Variants in AMN observed in about 807,000 individuals in gnomAD.
The protein encoded by AMN is protein amnionless.
A neutral mutation model predicts 49.1 loss-of-function variants in AMN; 40 were observed. The ratio of observed to expected loss-of-function variants is 0.81; its 90% CI spans 0.63 to 1.06. The LOEUF (loss-of-function observed/expected upper bound fraction) is 1.06. AMN is among the 50% of genes least tolerant of loss of function. AMN has a pLI of 0.00. For missense variants in AMN, 701 were observed against 662.8 expected, an observed-to-expected ratio of 1.06 and a Z score of -0.63; for synonymous variants, 380 against 313.3, an observed-to-expected ratio of 1.21 and a Z score of -2.25.
intron 3 of AMN, among the ~76,000 whole-genome samples, chr14:102,927,984 G>A (rs2139307293): frequency 6.6e-6 from 1 of 152,316 alleles, no homozygotes; most frequent in East Asian, 1.9e-4. Context: ...CACCAAGAGC[G>A]CGGCCTCAGA....
chr14:102,923,251 C>T (rs1891102173), intron 1 of AMN: 1 of 274,428 alleles, frequency 3.6e-6, no homozygotes, highest in Admixed American at 5.0e-5. Flanking sequence ...CGCCCCCAGC[C>T]CCTTCTTACT....
chr14:102,928,652 C>G, intron 4 of AMN, 106 bp from the exon 5 acceptor site: 3 of 1,504,556 alleles, frequency 2.0e-6, no homozygotes, highest in Non-Finnish European at 2.7e-6. Flanking sequence ...GGAAGTGTCC[C>G]GAAGCGGGGC....
chr14:102,929,830 C>A, intron 8 of AMN, 93 bp downstream of exon 8: 3 of 1,541,870 alleles, frequency 1.9e-6, no homozygotes, highest in Non-Finnish European at 1.8e-6. Flanking sequence ...CCTGCGGCTG[C>A]TCACTTGCCC....
In AMN at chr14:102,928,888, C is replaced by CTTCTTTCCG. The variant is rs768565737; in HGVS notation, c.427_435dup (p.Phe143_Pro145dup). The CTTCTTTCCG allele has an allele frequency of 4.1e-5, 66 of 1,603,762 alleles. No individual in the cohort carries two copies. Among genetic ancestry groups the CTTCTTTCCG allele is most frequent in the Non-Finnish European group, 4.9e-5 (58 of 1,179,816 alleles). On this transcript the variant is annotated inframe_insertion, in exon 5 of 12. Transcript: ENST00000299155. ...GCGTGCCCTGCCGCCACGACGACGT[C>CTTCTTTCCG]TTCTTTCCGCCTAGTGCCTCCTTCC...
chr14:102,926,642 A>G (rs1364538642), intron 3 of AMN, among the ~76,000 whole-genome samples: 1 of 145,454 alleles, frequency 6.9e-6, no homozygotes, highest in Non-Finnish European at 1.5e-5. Flanking sequence ...GCTGGAGTGC[A>G]GTGGTGTGAT....
At chr14:102,922,900 C>G (rs1179168662) in intron 1 of AMN, 169 bp downstream of exon 1, 4 of 985,296 alleles carry the variant, frequency 4.1e-6, no homozygotes. Flanking sequence ...CTGGCGAGTG[C>G]GCAGCCCGGA....
chr14:102,924,410 C>T (rs571842823), intron 3 of AMN, among the ~76,000 whole-genome samples: 1 of 152,308 alleles, frequency 6.6e-6, no homozygotes, highest in East Asian at 1.9e-4. Context: ...CAGGAAGAGG[C>T]GAGCCCACTC....
rs1224283035 is a variant in AMN, at chr14:102,922,746, C to T, written c.43+15C>T. On this transcript the variant is annotated intron_variant, in intron 1 of 11. Coordinates refer to ENST00000299155, the MANE Select transcript of AMN (RefSeq NM_030943.4). ...GCAGCTCTGCGGTGAGCCGGGACCA[C>T]ACCGGTGCGGGCCCGGACGGTAGCG... is the stretch of plus-strand genomic sequence containing the variant. 4 of 1,578,844 alleles carry T rather than the reference C, an allele frequency of 2.5e-6. No homozygotes were observed. Among genetic ancestry groups the T allele is most frequent in the Admixed American group, 1.8e-5 (1 of 54,552 alleles).
In AMN at chr14:102,930,389, C is replaced by G. The variant is rs1236091670; in HGVS notation, c.1170-17C>G. Reference sequence around the variant, plus strand: ...TTGCTCCGAGGGGCTCACGCTGCGTCCCCGCTACGCCCTCAGGTGGAGGAG... The same window carrying G: ...TTGCTCCGAGGGGCTCACGCTGCGTGCCCGCTACGCCCTCAGGTGGAGGAG... On this transcript the variant is annotated splice_polypyrimidine_tract_variant and intron_variant, in intron 10 of 11. Coordinates refer to ENST00000299155, the MANE Select transcript of AMN (RefSeq NM_030943.4). 2 of 1,503,578 alleles carry G rather than the reference C, an allele frequency of 1.3e-6. No individual in the cohort carries two copies. Among genetic ancestry groups the G allele is most frequent in the Non-Finnish European group, 8.8e-7 (1 of 1,132,610 alleles). The allele number at this position is 1,503,578 out of a possible 1,614,324, so 93.1% of individuals were successfully genotyped here.
In AMN at chr14:102,930,763, C is replaced by A; in HGVS notation, c.*83C>A. 7.1e-7 allele frequency: 1 copy of A among 1,406,928 alleles called. No homozygotes were observed. Among genetic ancestry groups the A allele is most frequent in the Non-Finnish European group, 9.7e-7 (1 of 1,026,750 alleles). 87.2% of individuals were successfully genotyped at this position (1,406,928 alleles called of 1,614,324 possible). On this transcript the variant is annotated 3_prime_UTR_variant, in exon 12 of 12. Transcript: ENST00000299155. ...GGGGGCTAGCCACCTCCTCGTCCAG[C>A]CCCCAAACCTCCCCTTCCTTTCCCC...
At chr14:102,923,685 C>A in intron 1 of AMN, 26 bp from the exon 2 acceptor site, 1 of 1,586,540 alleles carries the variant, frequency 6.3e-7, no homozygotes, top group Non-Finnish European at 8.6e-7. Flanking sequence ...GAGAGCATCC[C>A]GGGCACTCAG....
chr14:102,930,717 C>T lies in AMN; in HGVS notation c.*37C>T, dbSNP rs1891337734. On this transcript the variant is annotated 3_prime_UTR_variant, in exon 12 of 12. Transcript: ENST00000299155. ...ACCGTCGACCTTGGGGCTCTCCACC[C>T]GCTCTGGCCCCAGTCGAACTGGGGG... The T allele has an allele frequency of 6.5e-7, 1 of 1,547,962 alleles. No homozygotes were observed. Among genetic ancestry groups the T allele is most frequent in the African/African-American group, 1.4e-5 (1 of 73,174 alleles).
In AMN at chr14:102,930,645, A is replaced by AT; in HGVS notation, c.1327_1328insT (p.Asn443IlefsTer?). On this transcript the variant is annotated frameshift_variant, in exon 12 of 12. Coordinates refer to ENST00000299155, the MANE Select transcript of AMN (RefSeq NM_030943.4). LOFTEE classifies it high-confidence loss of function. ...CAGCACCAGCCACAGTTACTTCGTC[A>AT]ACCCTCTGTTCGCCGGGGCCGAGGC... 1 of 1,600,870 alleles carries AT rather than the reference A, an allele frequency of 6.2e-7. No individual in the cohort carries two copies. Among genetic ancestry groups the AT allele is most frequent in the Non-Finnish European group, 8.5e-7 (1 of 1,175,036 alleles).
intron 3 of AMN, among the ~76,000 whole-genome samples, chr14:102,924,537 TG>T (rs1566826073): frequency 1.3e-5 from 2 of 152,186 alleles, no homozygotes; most frequent in Non-Finnish European, 2.9e-5. Flanking sequence ...ACATCTGAGA[TG>T]GGACAGCTTA....
intron 1 of AMN, chr14:102,923,112 GC>G (rs1343880322): frequency 1.1e-5 from 3 of 270,316 alleles, no homozygotes; most frequent in African/African-American, 6.9e-5. Context: ...CCCCAAGGGA[GC>G]ACTGAGCCCT....
In AMN at chr14:102,930,293, G is replaced by GCGC; in HGVS notation, c.1142_1144dup (p.Pro381dup). On this transcript the variant is annotated inframe_insertion, in exon 10 of 12. Transcript: ENST00000299155. ...GCTGGCGCTGCTGGTCCTGCTGGTG[G>GCGC]CGCCGCCGCTGCTGCGCCGCGCGGG... 1 of 1,372,480 alleles carries GCGC rather than the reference G, an allele frequency of 7.3e-7. No homozygotes were observed. Among genetic ancestry groups the GCGC allele is most frequent in the Non-Finnish European group, 9.3e-7 (1 of 1,069,932 alleles). 85.0% of individuals were successfully genotyped at this position (1,372,480 alleles called of 1,614,324 possible).
At chr14:102,929,578 A>T in intron 7 of AMN, 42 bp downstream of exon 7, 1 of 1,545,014 alleles carries the variant, frequency 6.5e-7, no homozygotes, top group Non-Finnish European at 8.7e-7. Context: ...GAAGGCCTGG[A>T]GGACCAGGTT....
chr14:102,926,423 G>T (rs1891188768), intron 3 of AMN, among the ~76,000 whole-genome samples: 1 of 151,788 alleles, frequency 6.6e-6, no homozygotes, highest in Non-Finnish European at 1.5e-5. Flanking sequence ...AGGCCGCTTT[G>T]CCGACCCTAC....
intron 5 of AMN, 60 bp downstream of exon 5, chr14:102,929,035 C>A (rs1031998867): frequency 6.3e-7 from 1 of 1,595,200 alleles, no homozygotes; most frequent in African/African-American, 1.3e-5. Context: ...CGACCCCGCC[C>A]CTCCTGGTCT....
Sources: allele counts gnomAD v4.1 joint callset (sites outside exome capture counted in the v4.1 genomes callset), GRCh38; gene constraint gnomAD v4.1.1; transcripts MANE v1.5; gene names NCBI Gene and HGNC (gene_info 2026-07-23, HGNC 2026-07-21).